SLC2A9: variants seen among roughly 807,000 people sequenced by gnomAD.
The protein encoded by SLC2A9 is solute carrier family 2, facilitated glucose transporter member 9.
A neutral mutation model predicts 50.6 loss-of-function variants in SLC2A9; 39 were observed. The ratio of observed to expected loss-of-function variants is 0.77; its 90% CI spans 0.60 to 1.01. The LOEUF (loss-of-function observed/expected upper bound fraction) is 1.01, where lower values mean the gene tolerates loss of function less well. Ranked by LOEUF, SLC2A9 falls within the 50% of genes least tolerant of loss-of-function variation. The pLI is 0.00. For synonymous variants in SLC2A9, 324 were observed against 276.9 expected, an observed-to-expected ratio of 1.17 and a Z score of -1.69; for missense variants, 686 against 677.6, an observed-to-expected ratio of 1.01 and a Z score of -0.14.
downstream of SLC2A9, among the ~76,000 whole-genome samples, chr4:9,779,272 C>T (rs1332326349): frequency 6.6e-6 from 1 of 152,150 alleles, no homozygotes; most frequent in Non-Finnish European, 1.5e-5. Flanking sequence ...AGAAAGCCTT[C>T]CCTAAACATC....
chr4:9,903,339 G>A lies in SLC2A9; in HGVS notation c.1113+4896C>T, dbSNP rs192940971. On this transcript the variant is annotated intron_variant, in intron 8 of 11. Transcript: ENST00000264784. ...AAAATGTACTGCAGTGAATCAGAATGACTTCCTGTGAATTCTGACCCCTGA... is the reference window on the plus strand; with the variant it reads ...AAAATGTACTGCAGTGAATCAGAATAACTTCCTGTGAATTCTGACCCCTGA... 4.0e-5 allele frequency among the ~76,000 whole-genome samples: 6 copies of A among 151,792 alleles called. No homozygotes were observed. The East Asian group carries it at 1.2e-3, about 29-fold the overall frequency.
rs1395915211 is a variant in SLC2A9 at position 9,859,037 on chromosome 4, T to G, written c.1292-24029A>C. Among the ~76,000 whole-genome samples the G allele has an allele frequency of 2.0e-5, 3 of 152,236 alleles. No homozygotes were observed. In the East Asian group the frequency reaches 5.8e-4, roughly 29 times the overall value. The stretch of plus-strand genomic sequence containing the variant: ...TACACCAGTGGTTTGCCAGGGACTC[T>G]CGGGTCTTTGGCCACTGACTGAAGG... On this transcript the variant is annotated intron_variant, in intron 10 of 11. Transcript: ENST00000264784.
chr4:9,831,070 C>T (rs1204378213), intron 11 of SLC2A9, among the ~76,000 whole-genome samples: 1 of 152,108 alleles, frequency 6.6e-6, no homozygotes, highest in Non-Finnish European at 1.5e-5. Flanking sequence ...CTGGCTCAGA[C>T]ATTTTATTCT....
chr4:10,002,709 T>G (rs1760054917), intron 2 of SLC2A9, among the ~76,000 whole-genome samples: 1 of 152,078 alleles, frequency 6.6e-6, no homozygotes, highest in South Asian at 2.1e-4. Flanking sequence ...AAAAATTAGC[T>G]GGGTGTGGTG....
intron 5 of SLC2A9, among the ~76,000 whole-genome samples, chr4:9,979,493 C>T (rs897471645): frequency 3.3e-5 from 5 of 152,044 alleles, no homozygotes; most frequent in African/African-American, 4.8e-5. Context: ...GGGAAGGCAG[C>T]GCCCCTGCAT....
intron 11 of SLC2A9, among the ~76,000 whole-genome samples, chr4:9,833,533 T>C (rs1472047652): frequency 6.6e-6 from 1 of 152,022 alleles, no homozygotes; most frequent in Admixed American, 6.5e-5. Flanking sequence ...GAGGGTGATG[T>C]GGGCACAGAA....
intron 2 of SLC2A9, among the ~76,000 whole-genome samples, chr4:10,008,336 G>A (rs753631343): frequency 1.3e-5 from 2 of 152,194 alleles, no homozygotes; most frequent in African/African-American, 4.8e-5. Context: ...GGACACCAAC[G>A]CCCCAGGCTG....
At chr4:10,028,981 T>G (rs74472339) in intron 1 of SLC2A9, 3,287 of 152,266 alleles carry the variant, frequency 0.022, 88 homozygotes, top group East Asian at 0.07. Context: ...GCACACCCAG[T>G]GCTCCCAGCA....
chr4:9,961,241 G>A (rs1752228347), intron 5 of SLC2A9, among the ~76,000 whole-genome samples: 6 of 152,070 alleles, frequency 3.9e-5, no homozygotes, highest in Non-Finnish European at 1.5e-5. Context: ...CTAGAAAGAT[G>A]TTTGGGCAGC....
At chr4:9,885,316 T>G (rs899540785) in intron 10 of SLC2A9, among the ~76,000 whole-genome samples, 2 of 152,204 alleles carry the variant, frequency 1.3e-5, no homozygotes, top group Non-Finnish European at 2.9e-5. Flanking sequence ...AAGAATGGAA[T>G]TCAACCTTAT....
upstream of SLC2A9, chr4:10,025,701 A>G (rs1763726675): frequency 3.4e-6 from 2 of 582,870 alleles, no homozygotes; most frequent in South Asian, 4.1e-5. Context: ...CAGGACTGTC[A>G]ATTTCACTCT....
chr4:9,777,841 T>C (rs1717768166), downstream of SLC2A9, among the ~76,000 whole-genome samples: 1 of 152,124 alleles, frequency 6.6e-6, no homozygotes, highest in African/African-American at 2.4e-5. Flanking sequence ...AGGACACCTG[T>C]TCAGTGCAGA....
chr4:9,856,706 G>C (rs1320107184), intron 10 of SLC2A9, among the ~76,000 whole-genome samples: 1 of 152,096 alleles, frequency 6.6e-6, no homozygotes, highest in Non-Finnish European at 1.5e-5. Context: ...AAGACATAGA[G>C]TCAACATAAA....
At chr4:9,901,277 G>A (rs1169148493) in intron 8 of SLC2A9, among the ~76,000 whole-genome samples, 1 of 152,098 alleles carries the variant, frequency 6.6e-6, no homozygotes, top group Non-Finnish European at 1.5e-5. Context: ...TTTAGTGGAG[G>A]AAGGGTGTAG....
intron 5 of SLC2A9, among the ~76,000 whole-genome samples, chr4:9,980,352 A>G (rs889879898): frequency 7.9e-5 from 12 of 152,232 alleles, no homozygotes; most frequent in Non-Finnish European, 1.5e-4. Context: ...TGAGCTATTA[A>G]TGATAATTAC....
intron 3 of SLC2A9, among the ~76,000 whole-genome samples, chr4:9,810,438 G>A (rs1722724130): frequency 6.6e-6 from 1 of 152,152 alleles, no homozygotes; most frequent in Non-Finnish European, 1.5e-5. Flanking sequence ...ACCCTTTAAG[G>A]GATGAGATTT....
intron 10 of SLC2A9, among the ~76,000 whole-genome samples, chr4:9,885,723 G>C (rs1736081623): frequency 6.6e-6 from 1 of 152,212 alleles, no homozygotes. Context: ...TTCTAGCCTG[G>C]AGGAGACACA....
At chr4:10,008,635 G>A (rs529860474) in intron 2 of SLC2A9, among the ~76,000 whole-genome samples, 10 of 152,158 alleles carry the variant, frequency 6.6e-5, no homozygotes, top group Non-Finnish European at 1.0e-4. Context: ...TATATATGAT[G>A]ATCTTCAGAA....
In SLC2A9 at chr4:9,987,014, A is replaced by G. The variant is rs185529041; in HGVS notation, c.411-1221T>C. On this transcript the variant is annotated intron_variant, in intron 3 of 11. Coordinates refer to ENST00000264784, the MANE Select transcript of SLC2A9 (RefSeq NM_020041.3). Reference sequence around the variant, plus strand: ...GACCCTGCTTTAAGTACTTTGCATTAGTAGCTCATTTAATCCTCAGAATGA... The same window carrying G: ...GACCCTGCTTTAAGTACTTTGCATTGGTAGCTCATTTAATCCTCAGAATGA... Among the ~76,000 whole-genome samples the G allele has an allele frequency of 4.3e-3, 657 of 152,352 alleles. 8 individuals carry two copies. Among genetic ancestry groups the G allele is most frequent in the African/African-American group, 0.015 (632 of 41,586 alleles).
Sources: allele counts gnomAD v4.1 joint callset (sites outside exome capture counted in the v4.1 genomes callset), GRCh38; gene constraint gnomAD v4.1.1; transcripts MANE v1.5; gene names NCBI Gene and HGNC (gene_info 2026-07-23, HGNC 2026-07-21).